Variants in AGBL1 observed in about 807,000 individuals in gnomAD.
The protein encoded by AGBL1 is cytosolic carboxypeptidase 4.
A neutral mutation model predicts 118.9 loss-of-function variants in AGBL1; 130 were observed. The observed-to-expected ratio is 1.09, with a 90% CI of 0.95 to 1.26. The LOEUF is 1.26. Among genes scored for constraint, AGBL1 ranks in the 50% most tolerant of loss-of-function variants. The pLI, the probability that AGBL1 is intolerant of heterozygous loss-of-function variation, is 0.00. For synonymous variants in AGBL1, 555 were observed against 478.9 expected (o/e 1.16, Z -2.08); for missense variants, 1,584 against 1,298.1 (o/e 1.22, Z -3.38).
chr15:86,264,051 AC>A (rs1462118544), intron 10 of AGBL1, among the ~76,000 whole-genome samples: 3 of 152,178 alleles, frequency 2.0e-5, no homozygotes, highest in Non-Finnish European at 2.9e-5. Context: ...GACTAGACCC[AC>A]CAAAAGCCCC....
intron 24 of AGBL1, among the ~76,000 whole-genome samples, chr15:87,004,653 CTG>C (rs2081479138): frequency 6.6e-6 from 1 of 152,154 alleles, no homozygotes; most frequent in Non-Finnish European, 1.5e-5. Context: ...ATTTGCCAGT[CTG>C]TGTCTTTCAA....
chr15:86,495,989 A>C (rs542039466), intron 18 of AGBL1, among the ~76,000 whole-genome samples: 1 of 151,952 alleles, frequency 6.6e-6, no homozygotes, highest in East Asian at 1.9e-4. Context: ...TACACCAGGT[A>C]AAAATATGCC....
intron 22 of AGBL1, among the ~76,000 whole-genome samples, chr15:86,778,345 G>A (rs8026963): frequency 1.1e-3 from 168 of 152,276 alleles, no homozygotes; most frequent in African/African-American, 3.9e-3. Flanking sequence ...GACAGGGTTT[G>A]AGAGCAGACA....
At chr15:86,184,642 A>G (rs2077603533) in intron 5 of AGBL1, among the ~76,000 whole-genome samples, 1 of 151,970 alleles carries the variant, frequency 6.6e-6, no homozygotes, top group Non-Finnish European at 1.5e-5. Flanking sequence ...ACATAGTCCC[A>G]TATTTCTTGG....
At chr15:86,107,340 C>G (rs1176544185) in intron 1 of AGBL1, among the ~76,000 whole-genome samples, 1 of 152,198 alleles carries the variant, frequency 6.6e-6, no homozygotes, top group Non-Finnish European at 1.5e-5. Flanking sequence ...TTGGAGAGAG[C>G]TGAGTTGCAA....
intron 15 of AGBL1, among the ~76,000 whole-genome samples, chr15:86,273,595 T>C (rs2079196751): frequency 6.6e-6 from 1 of 152,212 alleles, no homozygotes; most frequent in Admixed American, 6.5e-5. Context: ...TATTTACCTA[T>C]CCTGATTTTT....
chr15:86,261,510 G>A (rs2078983645), intron 9 of AGBL1, among the ~76,000 whole-genome samples: 1 of 152,052 alleles, frequency 6.6e-6, no homozygotes, highest in Non-Finnish European at 1.5e-5. Context: ...TTTGCCCCTT[G>A]GATCAGAAAT....
chr15:86,590,029 T>A (rs1211886291), intron 21 of AGBL1, among the ~76,000 whole-genome samples: 3 of 152,152 alleles, frequency 2.0e-5, no homozygotes, highest in African/African-American at 7.2e-5. Flanking sequence ...GGCAGACTCA[T>A]AAGATAAAAG....
intron 22 of AGBL1, among the ~76,000 whole-genome samples, chr15:86,710,453 T>C (rs1368343368): frequency 6.6e-6 from 1 of 152,218 alleles, no homozygotes; most frequent in East Asian, 1.9e-4. Flanking sequence ...AATGGAAAGA[T>C]AATTTGAGCT....
At chr15:86,282,092 G>A (rs2141725005) in intron 16 of AGBL1, among the ~76,000 whole-genome samples, 1 of 152,170 alleles carries the variant, frequency 6.6e-6, no homozygotes, top group East Asian at 1.9e-4. Flanking sequence ...TTTACCTTGT[G>A]CCTCTGGGCC....
intron 22 of AGBL1, among the ~76,000 whole-genome samples, chr15:86,822,181 C>T (rs540182144): frequency 7.9e-5 from 12 of 152,260 alleles, no homozygotes; most frequent in African/African-American, 2.9e-4. Context: ...ACTAATTTTC[C>T]TGTGATGCAA....
intron 22 of AGBL1, among the ~76,000 whole-genome samples, chr15:86,717,792 A>T (rs2086659919): frequency 6.6e-6 from 1 of 152,160 alleles, no homozygotes; most frequent in African/African-American, 2.4e-5. Context: ...TTTAAAACCC[A>T]ATTCAGGCCG....
intron 2 of AGBL1, among the ~76,000 whole-genome samples, chr15:86,142,442 A>G (rs917526981): frequency 2.0e-5 from 3 of 152,216 alleles, no homozygotes; most frequent in East Asian, 1.9e-4. Context: ...ACTTGAAAGC[A>G]TGTAAGCATC....
intron 22 of AGBL1, among the ~76,000 whole-genome samples, chr15:86,837,393 A>T (rs1313131943): frequency 2.0e-5 from 3 of 152,204 alleles, no homozygotes; most frequent in Non-Finnish European, 4.4e-5. Context: ...AAGGGTCACC[A>T]AATTACAGCC....
intron 21 of AGBL1, among the ~76,000 whole-genome samples, chr15:86,622,357 G>A (rs1303509892): frequency 2.0e-5 from 3 of 151,038 alleles, no homozygotes; most frequent in Non-Finnish European, 4.4e-5. Flanking sequence ...GGGGTAGGGG[G>A]TCCACACAAA....
At chr15:86,129,435 C>T (rs1008479765) in intron 1 of AGBL1, among the ~76,000 whole-genome samples, 1 of 152,174 alleles carries the variant, frequency 6.6e-6, no homozygotes, top group South Asian at 2.1e-4. Context: ...ATCTCCCTGA[C>T]TTGGCTTTAA....
intron 1 of AGBL1, among the ~76,000 whole-genome samples, chr15:86,107,327 G>C (rs575305333): frequency 6.6e-6 from 1 of 152,334 alleles, no homozygotes; most frequent in East Asian, 1.9e-4. Flanking sequence ...ATTGGCTTTA[G>C]CTTTGGAGAG....
At chr15:86,555,201 G>A (rs1185890082) in intron 21 of AGBL1, among the ~76,000 whole-genome samples, 1 of 152,196 alleles carries the variant, frequency 6.6e-6, no homozygotes, top group Non-Finnish European at 1.5e-5. Flanking sequence ...CCCCCATAGA[G>A]AAGCATAAAT....
intron 18 of AGBL1, among the ~76,000 whole-genome samples, chr15:86,431,843 G>A (rs1021159655): frequency 6.6e-5 from 10 of 152,192 alleles, no homozygotes; most frequent in East Asian, 3.9e-4. Flanking sequence ...TGAGACTCCC[G>A]GTTGCTGTGA....
Sources: gnomAD v4.1 joint callset for allele counts (sites outside exome capture counted in the v4.1 genomes callset) on GRCh38, gnomAD v4.1.1 for gene constraint, MANE v1.5 for transcripts, NCBI Gene and HGNC (gene_info 2026-07-23, HGNC 2026-07-21) for gene names.